Variants in ALK observed in about 807,000 individuals in gnomAD.
The protein encoded by ALK is ALK receptor tyrosine kinase.
ALK carries 74 observed loss-of-function variants against 163.1 expected under a neutral mutation model. That is an observed-to-expected ratio of 0.45 (90% CI 0.38 to 0.55). The LOEUF (loss-of-function observed/expected upper bound fraction) is 0.55, where lower values mean the gene tolerates loss of function less well. ALK is among the 20% of genes least tolerant of loss of function. The probability of loss-of-function intolerance (pLI) is 0.00; values close to 1 mark genes in which losing one functional copy is unlikely to be tolerated. For synonymous variants in ALK, 960 were observed against 843.2 expected (o/e 1.14, Z -2.40); for missense variants, 2,063 against 2,105.3 (o/e 0.98, Z 0.39).
intron 4 of ALK, among the ~76,000 whole-genome samples, chr2:29,396,701 A>G (rs962364471): frequency 1.3e-5 from 2 of 151,908 alleles, no homozygotes; most frequent in African/African-American, 4.8e-5. Flanking sequence ...ACAAACAAAA[A>G]AAACCCTCAA....
intron 3 of ALK, among the ~76,000 whole-genome samples, chr2:29,670,376 G>A (rs945090596): frequency 6.6e-6 from 1 of 152,040 alleles, no homozygotes; most frequent in African/African-American, 2.4e-5. Context: ...CTGTTGAGAA[G>A]TCTGTTACCA....
At chr2:29,374,277 T>G (rs1339303322) in intron 5 of ALK, among the ~76,000 whole-genome samples, 1 of 152,180 alleles carries the variant, frequency 6.6e-6, no homozygotes, top group Non-Finnish European at 1.5e-5. Flanking sequence ...TATTTCCTGA[T>G]GAGAAAATGA....
intron 1 of ALK, among the ~76,000 whole-genome samples, chr2:29,776,224 T>C (rs1681171329): frequency 3.5e-5 from 1 of 28,750 alleles, no homozygotes; most frequent in Non-Finnish European, 8.3e-5. Context: ...TGGAATTTTG[T>C]TAAAAAAAAA....
At chr2:29,639,850 GACA>G (rs1298592991) in intron 3 of ALK, among the ~76,000 whole-genome samples, 3 of 152,102 alleles carry the variant, frequency 2.0e-5, no homozygotes, top group African/African-American at 7.2e-5. Flanking sequence ...CAGCATCTTC[GACA>G]ACATCCTATG....
intron 3 of ALK, among the ~76,000 whole-genome samples, chr2:29,621,000 G>C (rs760510821): frequency 5.9e-5 from 9 of 152,158 alleles, no homozygotes; most frequent in African/African-American, 1.9e-4. Context: ...ATATGCAAAG[G>C]GTGAGTGAGT....
At chr2:29,783,034 T>C (rs1366079411) in intron 1 of ALK, among the ~76,000 whole-genome samples, 2 of 152,236 alleles carry the variant, frequency 1.3e-5, no homozygotes, top group African/African-American at 4.8e-5. Flanking sequence ...GTTCTGTTTC[T>C]AGGCTGTTCA....
chr2:29,813,929 TAAG>T (rs1664822868), intron 1 of ALK, among the ~76,000 whole-genome samples: 1 of 152,106 alleles, frequency 6.6e-6, no homozygotes, highest in Non-Finnish European at 1.5e-5. Context: ...GGAAGAAACT[TAAG>T]GAGAGAAAGA....
chr2:29,316,841 A>G (rs1166615376), intron 8 of ALK, among the ~76,000 whole-genome samples: 1 of 152,248 alleles, frequency 6.6e-6, no homozygotes. Flanking sequence ...ACAGAGATAC[A>G]TAAAATCTAG....
intron 26 of ALK, among the ~76,000 whole-genome samples, chr2:29,201,421 T>G (rs1424547373): frequency 6.6e-6 from 1 of 152,154 alleles, no homozygotes; most frequent in East Asian, 1.9e-4. Context: ...CCAGGAGTCA[T>G]CCTTGACTCC....
At chr2:29,409,826 G>A (rs1380583652) in intron 4 of ALK, among the ~76,000 whole-genome samples, 1 of 152,094 alleles carries the variant, frequency 6.6e-6, no homozygotes, top group East Asian at 1.9e-4. Flanking sequence ...TGCTCCTTGA[G>A]CTCAGGGTTC....
intron 8 of ALK, among the ~76,000 whole-genome samples, chr2:29,315,310 A>G (rs6706787): frequency 6.6e-6 from 1 of 152,076 alleles, no homozygotes; most frequent in African/African-American, 2.4e-5. Flanking sequence ...CCTGGAAGTT[A>G]GATTGGCACA....
intron 3 of ALK, among the ~76,000 whole-genome samples, chr2:29,665,939 T>C (rs577546957): frequency 1.0e-3 from 155 of 152,252 alleles, no homozygotes; most frequent in African/African-American, 3.7e-3. Flanking sequence ...GAACTAACCC[T>C]TGACCTGAAA....
chr2:29,227,771 G>A lies in ALK; in HGVS notation c.2816-99C>T. On this transcript the variant is annotated intron_variant, in intron 16 of 28. Coordinates refer to ENST00000389048, the MANE Select transcript of ALK (RefSeq NM_004304.5). This position sits in a 1 kb window ranked among gnomAD's most constrained non-coding sequence, Gnocchi z 4.4. The stretch of plus-strand genomic sequence containing the variant: ...GGGCATGCAGCTCTGGCCAAAGTTA[G>A]GGGGTCACTGGGGACCTCAGGGGCA... 1.1e-6 allele frequency: 1 copy of A among 881,568 alleles called. No individual in the cohort carries two copies. The highest frequency in any genetic ancestry group is 1.4e-5 in the South Asian group (1 of 71,148). 54.6% of individuals were successfully genotyped at this position (881,568 alleles called of 1,614,324 possible).
intron 3 of ALK, among the ~76,000 whole-genome samples, chr2:29,536,129 C>T (rs1490322429): frequency 2.0e-5 from 3 of 152,088 alleles, no homozygotes; most frequent in Non-Finnish European, 2.9e-5. Context: ...CTCAATGATC[C>T]TAAAAATCAA....
chr2:29,302,246 G>A (rs886642789), intron 8 of ALK, among the ~76,000 whole-genome samples: 14 of 152,194 alleles, frequency 9.2e-5, no homozygotes, highest in Non-Finnish European at 1.5e-4. Context: ...GGCCGGGTGC[G>A]GTGGCTCACG....
At chr2:29,528,476 C>T (rs1475294781) in intron 4 of ALK, among the ~76,000 whole-genome samples, 1 of 152,176 alleles carries the variant, frequency 6.6e-6, no homozygotes, top group Admixed American at 6.5e-5. Context: ...AGCTCAGCCT[C>T]TTAATAATAC....
At chr2:29,692,034 G>T (rs1417574803) in intron 3 of ALK, among the ~76,000 whole-genome samples, 2 of 152,166 alleles carry the variant, frequency 1.3e-5, no homozygotes, top group African/African-American at 2.4e-5. Context: ...AGTCCTAGGG[G>T]TGGCTGAATG....
In ALK at chr2:29,537,787, C is replaced by T. The variant is rs190675568; in HGVS notation, c.953-5671G>A. Among the ~76,000 whole-genome samples, 31 of 152,352 alleles carry T rather than the reference C, an allele frequency of 2.0e-4. No homozygotes were observed. In the East Asian group the frequency reaches 4.1e-3, roughly 20 times the overall value. On this transcript the variant is annotated intron_variant, in intron 3 of 28. Coordinates refer to ENST00000389048, the MANE Select transcript of ALK (RefSeq NM_004304.5). ...AATCTGTGGGAGCAGCCATGGAGGA[C>T]GCACACTGCAAAGTCATAGGGGTGG...
chr2:29,228,932 C>CG lies in ALK; in HGVS notation c.2766_2767insC (p.Gly923ArgfsTer25). On this transcript the variant is annotated frameshift_variant, in exon 16 of 29. Coordinates refer to ENST00000389048, the MANE Select transcript of ALK (RefSeq NM_004304.5). LOFTEE classifies it high-confidence loss of function. The stretch of plus-strand genomic sequence containing the variant: ...CCTGAGGAGCACCCCCCTCCACCCC[C>CG]TCCGAAACCCCCTCTTGTCTCCCAC... 1 of 1,503,674 alleles carries CG rather than the reference C, an allele frequency of 6.7e-7. No homozygotes were observed. The highest frequency in any genetic ancestry group is 9.2e-7 in the Non-Finnish European group (1 of 1,086,542). The allele number at this position is 1,503,674 out of a possible 1,614,324, so 93.1% of individuals were successfully genotyped here. A position where few individuals can be genotyped will look rare whatever the true frequency, so the allele number is the denominator to read the frequency against.
Sources: gnomAD v4.1 joint callset for allele counts (sites outside exome capture counted in the v4.1 genomes callset) on GRCh38, gnomAD v4.1.1 for gene constraint, Gnocchi (gnomAD v3.1) non-coding constraint, MANE v1.5 for transcripts, NCBI Gene and HGNC (gene_info 2026-07-23, HGNC 2026-07-21) for gene names.